The following C2orf76 variants were observed in gnomAD, a reference collection of about 807,000 sequenced individuals.
C2orf76 encodes the protein UPF0538 protein C2orf76.
In C2orf76, 23 loss-of-function variants were observed where a neutral mutation model predicts 16.9. That is an observed-to-expected ratio of 1.36 (90% CI 0.98 to 1.93). C2orf76 has a LOEUF of 1.93. Ranked by LOEUF, C2orf76 falls within the 30% of genes most tolerant of loss-of-function variation. The pLI is 0.00. For missense variants in C2orf76, 152 were observed against 152.6 expected, an observed-to-expected ratio of 1.00 and a Z score of 0.02; for synonymous variants, 48 against 52.3, an observed-to-expected ratio of 0.92 and a Z score of 0.35.
the C2orf76 span, among the ~76,000 whole-genome samples, chr2:119,289,254 G>T: frequency 2.6e-5 from 4 of 152,028 alleles, no homozygotes; most frequent in African/African-American, 9.7e-5. Context: ...AGAAGGTAGG[G>T]ACATACTGTA....
chr2:119,336,476 T>C (rs915730175), intron 2 of C2orf76, among the ~76,000 whole-genome samples: 6 of 151,782 alleles, frequency 4.0e-5, no homozygotes, highest in Non-Finnish European at 7.4e-5. Context: ...ATTATATTTA[T>C]ATGACTTAAG....
chr2:119,294,970 G>A, the C2orf76 span, among the ~76,000 whole-genome samples: 3 of 152,136 alleles, frequency 2.0e-5, no homozygotes, highest in Admixed American at 2.0e-4. Flanking sequence ...ATCAGTGAAG[G>A]TGGGGGTTGA....
chr2:119,287,961 C>A, the C2orf76 span, among the ~76,000 whole-genome samples: 2 of 151,910 alleles, frequency 1.3e-5, no homozygotes, highest in African/African-American at 2.4e-5. Context: ...GAAATCACAG[C>A]AGTAGTGGCT....
chr2:119,314,830 A>G (rs536932837), intron 4 of C2orf76, among the ~76,000 whole-genome samples: 1 of 152,278 alleles, frequency 6.6e-6, no homozygotes, highest in South Asian at 2.1e-4. Flanking sequence ...AAAATATCCT[A>G]AGCATTTCTA....
the C2orf76 span, among the ~76,000 whole-genome samples, chr2:119,282,328 G>A: frequency 2.0e-5 from 3 of 152,106 alleles, no homozygotes; most frequent in African/African-American, 7.2e-5. Context: ...TTTTCACTTT[G>A]AACTGCTGTT....
chr2:119,292,829 G>A, the C2orf76 span, among the ~76,000 whole-genome samples: 1 of 152,130 alleles, frequency 6.6e-6, no homozygotes, highest in Admixed American at 6.5e-5. Flanking sequence ...GAAGTCAGGA[G>A]TTTGAGACCA....
downstream of C2orf76, among the ~76,000 whole-genome samples, chr2:119,298,023 G>T (rs1183942793): frequency 6.6e-6 from 1 of 151,956 alleles, no homozygotes; most frequent in Non-Finnish European, 1.5e-5. Context: ...TGCCCAGGCT[G>T]GTGTCAAACT....
the C2orf76 span, among the ~76,000 whole-genome samples, chr2:119,288,343 A>G: frequency 2.6e-4 from 40 of 151,832 alleles, no homozygotes; most frequent in Admixed American, 1.1e-3. Flanking sequence ...TTTTTAGTAG[A>G]GACGGGGTTT....
At chr2:119,349,916 C>T (rs947587082) in intron 1 of C2orf76, among the ~76,000 whole-genome samples, 11 of 152,148 alleles carry the variant, frequency 7.2e-5, no homozygotes, top group African/African-American at 2.7e-4. Flanking sequence ...TCAGAAGCCC[C>T]ATAAATGTTC....
chr2:119,311,885 A>G (rs1679004685), intron 4 of C2orf76, among the ~76,000 whole-genome samples, 182 bp from the exon 5 acceptor site: 1 of 152,130 alleles, frequency 6.6e-6, no homozygotes, highest in African/African-American at 2.4e-5. Flanking sequence ...CTCACGCACC[A>G]CATAAAGCAG....
intron 5 of C2orf76, among the ~76,000 whole-genome samples, chr2:119,309,684 G>A (rs1428886073): frequency 6.6e-6 from 1 of 152,050 alleles, no homozygotes; most frequent in Admixed American, 6.5e-5. Context: ...GCCTCCCAAA[G>A]TGCTGGGATT....
intron 1 of C2orf76, among the ~76,000 whole-genome samples, chr2:119,350,842 G>GT (rs1680379649): frequency 6.6e-6 from 1 of 152,216 alleles, no homozygotes; most frequent in African/African-American, 2.4e-5. Context: ...AAGCTGCAGA[G>GT]TTATAAACCA....
chr2:119,336,462 A>G (rs1482610168), intron 2 of C2orf76, among the ~76,000 whole-genome samples: 1 of 151,540 alleles, frequency 6.6e-6, no homozygotes, highest in Non-Finnish European at 1.5e-5. Flanking sequence ...ATACATTTAT[A>G]TTTATTATAT....
At chr2:119,330,233 T>C (rs1679630594) in intron 2 of C2orf76, among the ~76,000 whole-genome samples, 1 of 151,604 alleles carries the variant, frequency 6.6e-6, no homozygotes. Context: ...AAAAATTAGC[T>C]GGGCGTGGTG....
chr2:119,297,815 C>T (rs116498408), downstream of C2orf76, among the ~76,000 whole-genome samples: 960 of 152,196 alleles, frequency 6.3e-3, 15 homozygotes, highest in African/African-American at 0.022. Context: ...GTTGTTTTAA[C>T]AAGCAAATGT....
intron 1 of C2orf76, among the ~76,000 whole-genome samples, chr2:119,356,171 G>C (rs1327172107): frequency 6.6e-6 from 1 of 152,146 alleles, no homozygotes; most frequent in Non-Finnish European, 1.5e-5. Context: ...GGGAGGCTGA[G>C]GTGGGCAGAT....
At chr2:119,298,015 C>G (rs921785594), downstream of C2orf76, among the ~76,000 whole-genome samples, 7 of 152,104 alleles carry the variant, frequency 4.6e-5, no homozygotes, top group African/African-American at 1.4e-4. Flanking sequence ...CACTATGTTG[C>G]CCAGGCTGGT....
chr2:119,324,886 T>C (rs1679458299), intron 2 of C2orf76, among the ~76,000 whole-genome samples: 2 of 152,224 alleles, frequency 1.3e-5, no homozygotes, highest in South Asian at 2.1e-4. Flanking sequence ...ACAAACATGT[T>C]CTTTATGCTA....
chr2:119,302,800 T>C (rs886984391), intron 5 of C2orf76, among the ~76,000 whole-genome samples: 1 of 152,098 alleles, frequency 6.6e-6, no homozygotes, highest in African/African-American at 2.4e-5. Flanking sequence ...AACCAAAAAT[T>C]AAAATCAAGA....
Sources: gnomAD v4.1 joint callset for allele counts (sites outside exome capture counted in the v4.1 genomes callset) on GRCh38, gnomAD v4.1.1 for gene constraint, MANE v1.5 for transcripts, NCBI Gene and HGNC (gene_info 2026-07-23, HGNC 2026-07-21) for gene names.